Variants in COL5A3 observed in about 807,000 individuals in gnomAD.
COL5A3 encodes the protein collagen alpha-3(V) chain.
COL5A3 carries 172 observed loss-of-function variants against 250.0 expected under a neutral mutation model. The observed-to-expected ratio is 0.69, with a 90% CI of 0.61 to 0.78. The LOEUF (loss-of-function observed/expected upper bound fraction) is 0.78, where lower values mean the gene tolerates loss of function less well. Among genes scored for constraint, COL5A3 ranks in the 30% least tolerant of loss-of-function variants. The pLI, the probability that COL5A3 is intolerant of heterozygous loss-of-function variation, is 0.00. For missense variants in COL5A3, 2,340 were observed against 2,334.4 expected (o/e 1.00, Z -0.05); for synonymous variants, 937 against 900.4 (o/e 1.04, Z -0.73).
rs767582363 is a variant in COL5A3 at position 9,986,401 on chromosome 19, G to A, written c.2266C>T (p.Pro756Ser). ...GDQGKPGAPGPRGEDGPEGPK... is the reference protein window; with the variant it reads ...GDQGKPGAPGSRGEDGPEGPK... ...CCCTCAGGACCATCCTCTCCCCGGG[G>A]ACCTGGAGCTCCGGGTTTCCCCTGG... The change falls in exon 30 of 67, where the codon CCC (proline) becomes TCC (serine). Residue 756 changes from proline (P) to serine (S), a missense_variant. Around this residue, in one of 3 missense-constraint regions of COL5A3, gnomAD observed 1,152 missense variants for 1,146.3 expected, o/e 1.00. Transcript: ENST00000264828. The A allele has an allele frequency of 3.1e-6, 5 of 1,612,306 alleles. No individual in the cohort carries two copies. The Admixed American group carries it at 6.7e-5, about 21-fold the overall frequency.
At chr19:10,004,616 C>T (rs1395038963) in intron 4 of COL5A3, among the ~76,000 whole-genome samples, 1 of 152,170 alleles carries the variant, frequency 6.6e-6, no homozygotes, top group African/African-American at 2.4e-5. Flanking sequence ...CAGGTATGAG[C>T]CACCGCGCCC....
chr19:9,981,274 C>A, intron 32 of COL5A3, 142 bp from the exon 33 acceptor site: 1 of 710,596 alleles, frequency 1.4e-6, no homozygotes, highest in South Asian at 1.6e-5. Flanking sequence ...TACACATACA[C>A]ACAAATACAA....
chr19:9,992,071 A>C, intron 21 of COL5A3, 23 bp from the exon 22 acceptor site: 2 of 1,611,602 alleles, frequency 1.2e-6, no homozygotes, highest in Non-Finnish European at 1.7e-6. Flanking sequence ...AGGATGTGAG[A>C]CCAAGACAGA....
rs1030054046 is a variant in COL5A3 at position 9,959,989 on chromosome 19, A to G, written c.*422T>C. On this transcript the variant is annotated 3_prime_UTR_variant, in exon 67 of 67. Transcript: ENST00000264828. ...GTAGGGGTCCCAGCCTGGGATCAGGAGACATCCAGTGCTTAACTCTGGGGA... is the reference window on the plus strand; with the variant it reads ...GTAGGGGTCCCAGCCTGGGATCAGGGGACATCCAGTGCTTAACTCTGGGGA... 10 of 198,710 alleles carry G rather than the reference A, an allele frequency of 5.0e-5. No individual in the cohort carries two copies. Among genetic ancestry groups the G allele is most frequent in the African/African-American group, 2.3e-4 (10 of 43,254 alleles). The allele number at this position is 198,710 out of a possible 1,614,324, so 12.3% of individuals were successfully genotyped here.
Position 10,005,890 on chromosome 19 carries a change from C to A in COL5A3, c.343G>T (p.Ala115Ser), listed in dbSNP as rs2087435510. Reference sequence around the variant, plus strand: ...CCCAGTGCCAGGCCCAACTGCCGGGCACCCCTTTCATCATAAATGGACAGC... The same window carrying A: ...CCCAGTGCCAGGCCCAACTGCCGGGAACCCCTTTCATCATAAATGGACAGC... ...VLLSIYDERG[A>S]RQLGLALGPA... is the part of the protein sequence containing the mutation. Residue 115 changes from alanine (A) to serine (S), a missense_variant, in exon 3 of 67, where the codon GCC becomes TCC. Ala to Ser is a moderately conservative substitution (Grantham distance 99). Transcript: ENST00000264828. 6.2e-7 allele frequency: 1 copy of A among 1,614,010 alleles called. No homozygotes were observed. Among genetic ancestry groups the A allele is most frequent in the East Asian group, 2.2e-5 (1 of 44,884 alleles).
chr19:9,983,518 G>T, intron 31 of COL5A3, among the ~76,000 whole-genome samples: 1 of 119,378 alleles, frequency 8.4e-6, no homozygotes, highest in East Asian at 2.4e-4. Flanking sequence ...AAGCAAGCAA[G>T]CAAAAAGAAA....
chr19:10,005,536 TC>T (rs554721752), intron 4 of COL5A3, 21 bp downstream of exon 4: 295 of 1,612,064 alleles, frequency 1.8e-4, no homozygotes, highest in Non-Finnish European at 2.3e-4. Context: ...TGCCTCAGTT[TC>T]CCCCATCACT....
intron 51 of COL5A3, 30 bp from the exon 52 acceptor site, chr19:9,971,288 C>A: frequency 6.6e-7 from 1 of 1,525,858 alleles, no homozygotes; most frequent in Non-Finnish European, 8.8e-7. Flanking sequence ...ATAATCACAT[C>A]TCTGAATTGT....
chr19:9,978,919 G>T lies in COL5A3; in HGVS notation c.2936C>A (p.Pro979His). The stretch of plus-strand genomic sequence containing the variant: ...GTCCCCAGGGCCCCCTTTGGGGCCG[G>T]GAAAGCCCCTGAGTCCAGCTGGCCC... Reference protein sequence around the residue: ...KEGPAGLRGFPGPKGGPGDPG... With the variant: ...KEGPAGLRGFHGPKGGPGDPG... Residue 979 changes from proline (P) to histidine (H), a missense_variant, in exon 40 of 67, where the codon CCC becomes CAC. By Grantham distance (77) the Pro-to-His change is moderately conservative. This residue lies in a region of COL5A3 where 1,179 missense variants were observed against 1,162.6 expected (regional missense o/e 1.01). Coordinates refer to ENST00000264828, the MANE Select transcript of COL5A3 (RefSeq NM_015719.4). 6.7e-7 allele frequency: 1 copy of T among 1,500,688 alleles called. No individual in the cohort carries two copies. Among genetic ancestry groups the T allele is most frequent in the Non-Finnish European group, 8.9e-7 (1 of 1,126,840 alleles). 93.0% of individuals were successfully genotyped at this position (1,500,688 alleles called of 1,614,324 possible). A position where few individuals can be genotyped will look rare whatever the true frequency, so the allele number is the denominator to read the frequency against.
chr19:9,999,084 T>C (rs2087315814), intron 8 of COL5A3, among the ~76,000 whole-genome samples: 2 of 151,982 alleles, frequency 1.3e-5, no homozygotes, highest in Admixed American at 6.6e-5. Flanking sequence ...TTTTCTTTTT[T>C]TTCAGAGTCA....
chr19:9,983,806 T>C (rs542733132), intron 31 of COL5A3, among the ~76,000 whole-genome samples: 1 of 151,014 alleles, frequency 6.6e-6, no homozygotes, highest in Admixed American at 6.6e-5. Flanking sequence ...GAGAATAAAG[T>C]TGTCCATCAA....
At chr19:9,983,663 G>GA (rs1014135065) in intron 31 of COL5A3, among the ~76,000 whole-genome samples, 2 of 132,612 alleles carry the variant, frequency 1.5e-5, no homozygotes, top group African/African-American at 2.9e-5. Context: ...CAGACAGAAA[G>GA]AAAGAAAGAA....
At chr19:9,995,829 AG>A (rs1038417175) in intron 15 of COL5A3, among the ~76,000 whole-genome samples, 1 of 152,154 alleles carries the variant, frequency 6.6e-6, no homozygotes, top group African/African-American at 2.4e-5. Context: ...TTTATTGTAT[AG>A]ACAGGGCCTC....
At chr19:9,974,864 TTTG>T (rs946396841) in intron 45 of COL5A3, among the ~76,000 whole-genome samples, 3 of 151,532 alleles carry the variant, frequency 2.0e-5, no homozygotes, top group Admixed American at 6.6e-5. Context: ...AGATAAGGCT[TTTG>T]TTTGTTTGTT....
In COL5A3 at chr19:9,967,985, C is replaced by A. The variant is rs759036194; in HGVS notation, c.4368+41G>T. 10 of 1,598,916 alleles carry A rather than the reference C, an allele frequency of 6.3e-6. No individual in the cohort carries two copies. In the South Asian group the frequency reaches 1.0e-4, roughly 16 times the overall value. ...GAGCTGAGGTCCTGGCCTGGACCAC[C>A]ACAGTGACCTCATCCCACAAAAGAT... On this transcript the variant is annotated intron_variant, in intron 60 of 66. Coordinates refer to ENST00000264828, the MANE Select transcript of COL5A3 (RefSeq NM_015719.4).
chr19:9,988,855 A>AAAAAAGAGAGAGAGAAAG (rs1269531312), intron 27 of COL5A3, among the ~76,000 whole-genome samples: 3 of 104,718 alleles, frequency 2.9e-5, no homozygotes, highest in African/African-American at 1.3e-4. Flanking sequence ...AAAAAAAAAA[A>AAAAAAGAGAGAGAGAAAG]AAAGAAAGTA....
At chr19:9,998,726 C>T (rs577270349) in intron 8 of COL5A3, among the ~76,000 whole-genome samples, 16 of 151,514 alleles carry the variant, frequency 1.1e-4, no homozygotes, top group Non-Finnish European at 1.9e-4. Flanking sequence ...GCTCTGTCCC[C>T]CAGGCTGGAG....
Position 9,973,803 on chromosome 19 carries a change from G to T in COL5A3, c.3565C>A (p.Pro1189Thr). Residue 1189 changes from proline to threonine, a missense_variant, in exon 49 of 67, where the codon CCA becomes ACA. This residue lies in a region of COL5A3 where 1,179 missense variants were observed against 1,162.6 expected (regional missense o/e 1.01). Transcript: ENST00000264828. ...TGACCAACTCCTCCAGGCAGCCCTG[G>T]AGTGCCCTGGAGAGACAGCAAGGGG... ...PQGPTGSEGT[P>T]GLPGGVGQPG... 6.2e-7 allele frequency: 1 copy of T among 1,613,992 alleles called. No individual in the cohort carries two copies. The highest frequency in any genetic ancestry group is 1.3e-5 in the African/African-American group (1 of 75,026).
Position 10,010,335 on chromosome 19 carries a change from G to T in COL5A3, c.51C>A (p.Leu17=). The T allele has an allele frequency of 1.4e-6, 2 of 1,470,888 alleles. No individual in the cohort carries two copies. Among genetic ancestry groups the T allele is most frequent in the South Asian group, 1.4e-5 (1 of 73,314 alleles). 91.1% of individuals were successfully genotyped at this position (1,470,888 alleles called of 1,614,324 possible). Residue 17 remains leucine (L), a synonymous_variant, in exon 1 of 67, where the codon CTC becomes CTA. Coordinates refer to ENST00000264828, the MANE Select transcript of COL5A3 (RefSeq NM_015719.4). ...CCGGCAGAAGCTGCAGCGCGGCCAGGAGCAGGCAGAGACCGGCCCGCGGCT... is the reference window on the plus strand; with the variant it reads ...CCGGCAGAAGCTGCAGCGCGGCCAGTAGCAGGCAGAGACCGGCCCGCGGCT... ...LGQPRAGLCL[L]LAALQLLPGT... is the part of the protein sequence containing the mutation.
Sources: gnomAD v4.1 joint callset for allele counts (sites outside exome capture counted in the v4.1 genomes callset) on GRCh38, gnomAD v4.1.1 for gene constraint, gnomAD v4.1.1 regional missense constraint, MANE v1.5 for transcripts, NCBI Gene and HGNC (gene_info 2026-07-23, HGNC 2026-07-21) for gene names.